Variants in FBP2 observed in about 807,000 individuals in gnomAD.
The protein encoded by FBP2 is fructose-bisphosphatase 2.
FBP2 carries 27 observed loss-of-function variants against 31.6 expected under a neutral mutation model. The ratio of observed to expected loss-of-function variants is 0.85; its 90% CI spans 0.63 to 1.18. The LOEUF is 1.18. FBP2 is among the 50% of genes most tolerant of loss of function. The pLI is 0.00. For synonymous variants in FBP2, 168 were observed against 179.8 expected, an observed-to-expected ratio of 0.93 and a Z score of 0.53; for missense variants, 421 against 436.1, an observed-to-expected ratio of 0.97 and a Z score of 0.31.
intron 6 of FBP2, among the ~76,000 whole-genome samples, chr9:94,560,883 G>T (rs1041323930): frequency 6.7e-6 from 1 of 150,026 alleles, no homozygotes; most frequent in Non-Finnish European, 1.5e-5. Flanking sequence ...CTCCATGGGG[G>T]TATTTACTGC....
At chr9:94,581,258 T>C (rs1050366375) in intron 3 of FBP2, among the ~76,000 whole-genome samples, 7 of 152,086 alleles carry the variant, frequency 4.6e-5, no homozygotes, top group Non-Finnish European at 8.8e-5. Flanking sequence ...GGGCCAGTCT[T>C]ATGGGATCAA....
chr9:94,591,343 C>T (rs953660262), intron 1 of FBP2, among the ~76,000 whole-genome samples: 26 of 152,358 alleles, frequency 1.7e-4, no homozygotes, highest in African/African-American at 4.6e-4. Flanking sequence ...AGTGGGCCAG[C>T]ACTGCTGGGG....
chr9:94,571,816 C>G (rs975167817), intron 3 of FBP2, among the ~76,000 whole-genome samples: 1 of 152,222 alleles, frequency 6.6e-6, no homozygotes, highest in African/African-American at 2.4e-5. Context: ...CTTCTTCCTT[C>G]CTGTTTTCCA....
chr9:94,590,718 G>A (rs1220108446), intron 1 of FBP2, among the ~76,000 whole-genome samples: 2 of 152,226 alleles, frequency 1.3e-5, no homozygotes, highest in Admixed American at 6.5e-5. Flanking sequence ...AGTGTGGAAA[G>A]AGACCCAAAC....
intron 4 of FBP2, chr9:94,570,528 TCTAA>T (rs1270922900): frequency 2.6e-4 from 39 of 152,340 alleles, no homozygotes; most frequent in Middle Eastern, 3.4e-3. Flanking sequence ...CGAAGAATTA[TCTAA>T]CTCTTAGCTG....
At chr9:94,570,152 T>C (rs1827251868) in intron 4 of FBP2, 2 of 152,240 alleles carry the variant, frequency 1.3e-5, no homozygotes, top group Non-Finnish European at 2.9e-5. Context: ...CTTTCATGAC[T>C]GAGGGCAGAA....
intron 1 of FBP2, among the ~76,000 whole-genome samples, chr9:94,591,653 A>C (rs1827504766): frequency 6.6e-6 from 1 of 152,216 alleles, no homozygotes; most frequent in Admixed American, 6.5e-5. Flanking sequence ...CGGCTCAGGC[A>C]CAGGCAAATC....
chr9:94,580,309 C>T (rs1286854479), intron 3 of FBP2, among the ~76,000 whole-genome samples: 1 of 152,248 alleles, frequency 6.6e-6, no homozygotes, highest in African/African-American at 2.4e-5. Context: ...CAGCTCACTG[C>T]AATCACCGCC....
At position 94,579,452 on chromosome 9, in the gene FBP2, T is replaced by TA. The variant is rs1288749003; in HGVS notation, c.426+5124_426+5125insT. Among the ~76,000 whole-genome samples, 7 of 140,004 alleles carry TA rather than the reference T, an allele frequency of 5.0e-5. No homozygotes were observed. The East Asian group carries it at 1.4e-3, about 29-fold the overall frequency. 91.8% of individuals were successfully genotyped at this position (140,004 alleles called of 152,430 possible). ...TGGTAAATTCTTGTCCTAAAAATAA[T>TA]GACTGATATCTAAAGAAACAAAATT... On this transcript the variant is annotated intron_variant, in intron 3 of 6. Transcript: ENST00000375337.
At chr9:94,586,013 C>T (rs1478386943) in intron 2 of FBP2, among the ~76,000 whole-genome samples, 1 of 152,152 alleles carries the variant, frequency 6.6e-6, no homozygotes, top group Non-Finnish European at 1.5e-5. Flanking sequence ...GGATTGCAGG[C>T]GTGAGCCACC....
At chr9:94,577,352 G>A (rs1827325313) in intron 3 of FBP2, 1 of 152,190 alleles carries the variant, frequency 6.6e-6, no homozygotes, top group South Asian at 2.1e-4. Context: ...CATGGCCTCT[G>A]ATTTTGTCAT....
chr9:94,582,108 C>T (rs1340159228), intron 3 of FBP2, among the ~76,000 whole-genome samples: 1 of 152,200 alleles, frequency 6.6e-6, no homozygotes, highest in Admixed American at 6.5e-5. Flanking sequence ...GACTAAATTT[C>T]AGTAGCTCTC....
At chr9:94,582,736 G>C (rs1032669452) in intron 3 of FBP2, among the ~76,000 whole-genome samples, 82 of 151,898 alleles carry the variant, frequency 5.4e-4, no homozygotes, top group African/African-American at 1.9e-3. Context: ...TTTTAGTAGA[G>C]GCAGGGTTTC....
At chr9:94,587,821 GC>G (rs1234641240) in intron 1 of FBP2, among the ~76,000 whole-genome samples, 1 of 152,056 alleles carries the variant, frequency 6.6e-6, no homozygotes, top group Non-Finnish European at 1.5e-5. Context: ...AAGGACTGTG[GC>G]CTCCAGCTCC....
At chr9:94,586,898 C>A in intron 2 of FBP2, 1 of 159,950 alleles carries the variant, frequency 6.3e-6, no homozygotes. Context: ...GAAATCTCTG[C>A]TGAAACTGTA....
chr9:94,566,706 C>A (rs1827194784), intron 5 of FBP2, among the ~76,000 whole-genome samples: 1 of 152,184 alleles, frequency 6.6e-6, no homozygotes, highest in South Asian at 2.1e-4. Context: ...CATTTTTCTT[C>A]AGCAAATAAC....
chr9:94,590,459 T>TGGC (rs1827482320), intron 1 of FBP2, among the ~76,000 whole-genome samples: 1 of 150,540 alleles, frequency 6.6e-6, no homozygotes, highest in Non-Finnish European at 1.5e-5. Context: ...CCTGCCTGGG[T>TGGC]GGTGGTGTGT....
chr9:94,563,883 AAAG>A (rs1234669823), intron 5 of FBP2, among the ~76,000 whole-genome samples: 2 of 152,204 alleles, frequency 1.3e-5, no homozygotes, highest in Non-Finnish European at 2.9e-5. Context: ...AAAGTTCAAA[AAAG>A]ACGAAAAGGA....
intron 6 of FBP2, among the ~76,000 whole-genome samples, chr9:94,559,426 T>C (rs898622381): frequency 6.6e-6 from 1 of 152,174 alleles, no homozygotes; most frequent in African/African-American, 2.4e-5. Flanking sequence ...CTTGGAAATA[T>C]GAGATCTAGG....
Sources: gnomAD v4.1 joint callset for allele counts (sites outside exome capture counted in the v4.1 genomes callset) on GRCh38, gnomAD v4.1.1 for gene constraint, MANE v1.5 for transcripts, NCBI Gene and HGNC (gene_info 2026-07-23, HGNC 2026-07-21) for gene names.